Variants in FOCAD observed in about 807,000 individuals in gnomAD.
FOCAD encodes focadhesin, also known as KIAA1797.
In FOCAD, 198 loss-of-function variants were observed where a neutral mutation model predicts 225.6. The observed-to-expected ratio is 0.88, with a 90% CI of 0.78 to 0.99. The LOEUF (loss-of-function observed/expected upper bound fraction) is 0.99. Among genes scored for constraint, FOCAD ranks in the 50% least tolerant of loss-of-function variants. The probability of loss-of-function intolerance (pLI) is 0.00; values close to 1 mark genes in which losing one functional copy is unlikely to be tolerated. For synonymous variants in FOCAD, 897 were observed against 755.0 expected, an observed-to-expected ratio of 1.19 and a Z score of -3.08; for missense variants, 2,713 against 2,123.6, an observed-to-expected ratio of 1.28 and a Z score of -5.46.
At chr9:20,866,629 T>G (rs1255282265) in intron 17 of FOCAD, among the ~76,000 whole-genome samples, 3 of 152,068 alleles carry the variant, frequency 2.0e-5, no homozygotes, top group Non-Finnish European at 2.9e-5. Context: ...GAAAAATGTT[T>G]AATGCTGATA....
intron 34 of FOCAD, 52 bp from the exon 35 acceptor site, chr9:20,952,933 C>T (rs1318238939): frequency 1.9e-5 from 27 of 1,403,916 alleles, no homozygotes; most frequent in Non-Finnish European, 2.5e-5. Context: ...ATCTTTCCTT[C>T]ATTAGTCCTG....
At position 20,770,031 on chromosome 9, in the gene FOCAD, G is replaced by C; in HGVS notation, c.700-1G>C. 6.2e-7 allele frequency: 1 copy of C among 1,612,746 alleles called. No homozygotes were observed. The highest frequency in any genetic ancestry group is 2.2e-5 in the East Asian group (1 of 44,846). On this transcript the variant is annotated splice_acceptor_variant, in intron 7 of 43. Transcript: ENST00000338382. LOFTEE classifies it high-confidence loss of function. The stretch of plus-strand genomic sequence containing the variant: ...TATCATATAATGACTTTTTTAAACA[G>C]GTAAAAGATTTGATACAGACAACAG...
intron 22 of FOCAD, among the ~76,000 whole-genome samples, chr9:20,912,452 T>A (rs1309777013): frequency 1.3e-5 from 2 of 152,104 alleles, no homozygotes; most frequent in African/African-American, 4.8e-5. Flanking sequence ...GTTACATACT[T>A]TAGCTTGTTT....
intron 35 of FOCAD, among the ~76,000 whole-genome samples, chr9:20,962,483 A>G (rs58527817): frequency 0.017 from 2,653 of 151,672 alleles, 72 homozygotes; most frequent in African/African-American, 0.059. Flanking sequence ...TAAGTTACCT[A>G]TAAGCAGCAT....
chr9:20,792,392 T>C (rs998744893), intron 11 of FOCAD, among the ~76,000 whole-genome samples: 7 of 152,218 alleles, frequency 4.6e-5, no homozygotes, highest in African/African-American at 1.2e-4. Flanking sequence ...TTGACTGATT[T>C]ATAAAATAGA....
At position 20,986,266 on chromosome 9, in the gene FOCAD, A is replaced by ATTTTTTTT. The variant is rs545976303; in HGVS notation, c.4729-12_4729-5dup. ...CAGTTAATTTAATAGTAACTAAACA[A>ATTTTTTTT]TTTTTTTTTTTTTTTTTGCAGAGCA... is the stretch of plus-strand genomic sequence containing the variant. On this transcript the variant is annotated intron_variant, in intron 39 of 43. Coordinates refer to ENST00000338382, the MANE Select transcript of FOCAD (RefSeq NM_001375567.1). 2.4e-3 allele frequency: 1,738 copies of ATTTTTTTT among 709,436 alleles called. 258 individuals are homozygous for ATTTTTTTT. In the African/African-American group the frequency reaches 0.025, roughly 10 times the overall value. The allele number at this position is 709,436 out of a possible 1,614,324, so 43.9% of individuals were successfully genotyped here. A position where few individuals can be genotyped will look rare whatever the true frequency, so the allele number is the denominator to read the frequency against.
chr9:20,827,653 A>G (rs1391524621), intron 15 of FOCAD, among the ~76,000 whole-genome samples: 1 of 152,078 alleles, frequency 6.6e-6, no homozygotes, highest in Non-Finnish European at 1.5e-5. Context: ...GAAAAATATT[A>G]CATAATCTCT....
chr9:20,751,819 GT>G (rs1406053499), intron 5 of FOCAD, among the ~76,000 whole-genome samples: 3 of 146,832 alleles, frequency 2.0e-5, no homozygotes, highest in African/African-American at 7.4e-5. Context: ...TCCAGCACCT[GT>G]TGTTTCCTGA....
At chr9:20,944,232 T>C (rs1836952156) in intron 28 of FOCAD, among the ~76,000 whole-genome samples, 1 of 152,222 alleles carries the variant, frequency 6.6e-6, no homozygotes, top group East Asian at 1.9e-4. Flanking sequence ...TTTCTCTCCT[T>C]ATGCAGCTGA....
intron 35 of FOCAD, among the ~76,000 whole-genome samples, chr9:20,959,548 C>G (rs184617153): frequency 3.3e-4 from 50 of 151,850 alleles, no homozygotes; most frequent in African/African-American, 1.1e-3. Flanking sequence ...TGATGTAATC[C>G]CATTTATTTT....
rs375597909 is a variant in FOCAD at position 20,719,941 on chromosome 9, G to A, written c.133-439G>A. ...TGCATGTAGGTGATAGAGGTTGGTA[G>A]TAGGAGAGAAGGAACATCTTCTGAA... On this transcript the variant is annotated intron_variant, in intron 3 of 43. Transcript: ENST00000338382. Among the ~76,000 whole-genome samples the A allele has an allele frequency of 1.8e-4, 27 of 152,234 alleles. No individual in the cohort carries two copies. The East Asian group carries it at 2.3e-3, about 13-fold the overall frequency.
chr9:20,746,615 A>C (rs1046999233), intron 5 of FOCAD, among the ~76,000 whole-genome samples: 2 of 152,220 alleles, frequency 1.3e-5, no homozygotes, highest in African/African-American at 4.8e-5. Context: ...ATTAATAAAA[A>C]CCATTTGAGA....
Position 20,981,631 on chromosome 9 carries a change from G to A in FOCAD, c.4583G>A (p.Ser1528Asn). The A allele has an allele frequency of 1.2e-6, 2 of 1,613,958 alleles. No individual in the cohort carries two copies. The highest frequency in any genetic ancestry group is 1.7e-6 in the Non-Finnish European group (2 of 1,179,930). The change falls in exon 38 of 44, where the codon AGT becomes AAT. Residue 1528 changes from serine to asparagine, a missense_variant. Physicochemically the swap from Ser to Asn is conservative, Grantham distance 46. Transcript: ENST00000338382. ...KLPSPAHHLW[S>N]LLSEATGKIF... is the part of the protein sequence containing the mutation. The stretch of plus-strand genomic sequence containing the variant: ...CCCAGCCCTGCCCACCACCTCTGGA[G>A]TCTGCTCTCTGAAGCTACTGGGAAA...
At chr9:20,692,573 G>T (rs982144413) in intron 1 of FOCAD, among the ~76,000 whole-genome samples, 19 of 152,278 alleles carry the variant, frequency 1.2e-4, no homozygotes, top group Admixed American at 9.8e-4. Flanking sequence ...TAGATGTGGG[G>T]CAGCTCTTTT....
chr9:20,795,597 AC>A lies in FOCAD; in HGVS notation c.1455+5990del, dbSNP rs1820979150. 3.9e-5 allele frequency among the ~76,000 whole-genome samples: 6 copies of A among 151,936 alleles called. No individual in the cohort carries two copies. The South Asian group carries it at 1.2e-3, about 32-fold the overall frequency. On this transcript the variant is annotated intron_variant, in intron 11 of 43. Transcript: ENST00000338382. Reference sequence around the variant, plus strand: ...TCAGGAGATTGAGACCATCCTGGCTACACGGTGAAACCCCGTCTCTACTAAA... The same window carrying A: ...TCAGGAGATTGAGACCATCCTGGCTAACGGTGAAACCCCGTCTCTACTAAA...
chr9:20,948,067 C>A (rs1837347140), intron 30 of FOCAD, among the ~76,000 whole-genome samples: 1 of 151,726 alleles, frequency 6.6e-6, no homozygotes, highest in East Asian at 1.9e-4. Context: ...TGCAATTAGA[C>A]CCTGCAGTTT....
intron 15 of FOCAD, among the ~76,000 whole-genome samples, chr9:20,856,818 G>GT (rs1215940737): frequency 6.6e-6 from 1 of 151,984 alleles, no homozygotes; most frequent in African/African-American, 2.4e-5. Context: ...TGGTTATCCA[G>GT]TTTTCCCAGA....
At chr9:20,685,864 G>A (rs1405356515) in intron 1 of FOCAD, among the ~76,000 whole-genome samples, 2 of 152,178 alleles carry the variant, frequency 1.3e-5, no homozygotes, top group Non-Finnish European at 2.9e-5. Context: ...GGAGGAGCTG[G>A]AGGAGGCGGA....
At chr9:20,913,791 T>C (rs1256138963) in intron 23 of FOCAD, among the ~76,000 whole-genome samples, 1 of 152,198 alleles carries the variant, frequency 6.6e-6, no homozygotes, top group African/African-American at 2.4e-5. Context: ...TTGTATCCTA[T>C]TTGCTCTTAT....
Sources: allele counts gnomAD v4.1 joint callset (sites outside exome capture counted in the v4.1 genomes callset), GRCh38; gene constraint gnomAD v4.1.1; transcripts MANE v1.5; gene names NCBI Gene and HGNC (gene_info 2026-07-23, HGNC 2026-07-21).